SDR42E1: variants seen among roughly 807,000 people sequenced by gnomAD.
SDR42E1 encodes short chain dehydrogenase/reductase family 42E, member 1.
In SDR42E1, 5 loss-of-function variants were observed where a neutral mutation model predicts 2.6. The observed-to-expected ratio is 1.94, with a 90% CI of 1.01 to 4.08. SDR42E1 has a LOEUF of 4.08. Among genes scored for constraint, SDR42E1 ranks in the 30% most tolerant of loss-of-function variants. SDR42E1 has a pLI of 0.00. For synonymous variants in SDR42E1, 231 were observed against 188.3 expected (o/e 1.23, Z -1.86); for missense variants, 596 against 478.6 (o/e 1.25, Z -2.29).
At chr16:82,001,843 A>C (rs1289684360) in intron 1 of SDR42E1, among the ~76,000 whole-genome samples, 1 of 151,340 alleles carries the variant, frequency 6.6e-6, no homozygotes, top group Non-Finnish European at 1.5e-5. Context: ...CGTAGCTGGC[A>C]ATGAGCGAAG....
Position 81,998,288 on chromosome 16 carries a change from C to T in SDR42E1, c.*823G>A, listed in dbSNP as rs2143840880. 6.6e-6 allele frequency: 1 copy of T among 152,248 alleles called. No homozygotes were observed. Among genetic ancestry groups the T allele is most frequent in the Middle Eastern group, 3.4e-3 (1 of 294 alleles). The allele number at this position is 152,248 out of a possible 1,614,324, so 9.4% of individuals were successfully genotyped here. On this transcript the variant is annotated 3_prime_UTR_variant, in exon 3 of 3. Coordinates refer to ENST00000328945, the MANE Select transcript of SDR42E1 (RefSeq NM_145168.3). ...GCTTCATTGTGGCCTTCTTAGAGGC[C>T]TAAACTTTACAAATAGAGTATATCC...
rs1204361021 is a variant in SDR42E1 at position 82,000,876 on chromosome 16, T to C, written c.-18A>G. The C allele has an allele frequency of 2.5e-6, 4 of 1,604,644 alleles. No homozygotes were observed. Among genetic ancestry groups the C allele is most frequent in the Middle Eastern group, 1.7e-4 (1 of 6,008 alleles). ...GGGTCCATATGTGGCAGTCAAAAGA[T>C]AACTGGACCTGAAGAAAGAAGTATG... On this transcript the variant is annotated 5_prime_UTR_variant, in exon 2 of 3. Coordinates refer to ENST00000328945, the MANE Select transcript of SDR42E1 (RefSeq NM_145168.3).
At chr16:82,003,211 T>G (rs200966647) in intron 1 of SDR42E1, among the ~76,000 whole-genome samples, 52 of 152,336 alleles carry the variant, frequency 3.4e-4, no homozygotes, top group African/African-American at 1.2e-3. Flanking sequence ...ATTAAGCAAC[T>G]GCCACGGTTG....
chr16:82,003,594 G>T (rs575747401), intron 1 of SDR42E1, among the ~76,000 whole-genome samples: 4 of 152,130 alleles, frequency 2.6e-5, no homozygotes, highest in African/African-American at 9.7e-5. Flanking sequence ...GTGACACATC[G>T]TATACTAGGT....
In SDR42E1 at chr16:81,999,454, G is replaced by A. The variant is rs767873596; in HGVS notation, c.839C>T (p.Thr280Ile). ...GTAGACCAAGGTCAATGGCAGGCGG[G>A]TAGACGGGAATGTGTAGCCCAGGCC... ...VEGLGYTFPSTRLPLTLVYCF... is the reference protein window; with the variant it reads ...VEGLGYTFPSIRLPLTLVYCF... Residue 280 changes from threonine to isoleucine, a missense_variant, in exon 3 of 3, where the codon ACC (threonine) becomes ATC (isoleucine). Coordinates refer to ENST00000328945, the MANE Select transcript of SDR42E1 (RefSeq NM_145168.3). The A allele has an allele frequency of 6.2e-7, 1 of 1,614,190 alleles. No homozygotes were observed. Among genetic ancestry groups the A allele is most frequent in the African/African-American group, 1.3e-5 (1 of 75,050 alleles).
intron 1 of SDR42E1, among the ~76,000 whole-genome samples, chr16:82,009,303 A>G (rs1172064560): frequency 1.3e-5 from 2 of 152,230 alleles, no homozygotes; most frequent in African/African-American, 4.8e-5. Flanking sequence ...CAGACCCCAG[A>G]ATGGTAGATC....
chr16:82,000,004 C>A lies in SDR42E1; in HGVS notation c.289G>T (p.Glu97Ter). ...TTGTCTGTGCCCCTGACGTTGACTT[C>A]TTTGATCAGGTTTCGATTGAGTTGC... is the stretch of plus-strand genomic sequence containing the variant. Reference protein sequence around the residue: ...REQLNRNLIKEVNVRGTDNIL... With the variant: ...REQLNRNLIK The change falls in exon 3 of 3, where the codon GAA (glutamate) becomes TAA (stop). Residue 97 changes from glutamate (E) to a stop codon, truncating the protein, a stop_gained. Coordinates refer to ENST00000328945, the MANE Select transcript of SDR42E1 (RefSeq NM_145168.3). LOFTEE classifies it high-confidence loss of function. 6.2e-7 allele frequency: 1 copy of A among 1,614,228 alleles called. No individual in the cohort carries two copies. Among genetic ancestry groups the A allele is most frequent in the Non-Finnish European group, 8.5e-7 (1 of 1,180,036 alleles).
Position 82,011,414 on chromosome 16 carries a change from G to C in SDR42E1, c.-54C>G, listed in dbSNP as rs932613289. 6.6e-6 allele frequency: 1 copy of C among 152,564 alleles called. No homozygotes were observed. Among genetic ancestry groups the C allele is most frequent in the Non-Finnish European group, 1.5e-5 (1 of 68,362 alleles). The allele number at this position is 152,564 out of a possible 1,614,324, so 9.5% of individuals were successfully genotyped here. A position where few individuals can be genotyped will look rare whatever the true frequency, so the allele number is the denominator to read the frequency against. On this transcript the variant is annotated 5_prime_UTR_variant, in exon 1 of 3. Coordinates refer to ENST00000328945, the MANE Select transcript of SDR42E1 (RefSeq NM_145168.3). ...CTGCAGGAACAAGGGCGCGGCAGAC[G>C]GCTACAGCAGGCAGAGAGGCCCAGG...
Position 81,999,621 on chromosome 16 carries a change from G to A in SDR42E1, c.672C>T (p.His224=), listed in dbSNP as rs762426199. 1.1e-5 allele frequency: 17 copies of A among 1,614,140 alleles called. No individual in the cohort carries two copies. The highest frequency in any genetic ancestry group is 6.6e-5 in the South Asian group (6 of 91,080). Residue 224 remains histidine, a synonymous_variant, in exon 3 of 3, where the codon CAC becomes CAT. Coordinates refer to ENST00000328945, the MANE Select transcript of SDR42E1 (RefSeq NM_145168.3). The part of the protein sequence containing the change: ...GDPRSLVEFV[H]VDNLVQAHIL... ...TGTGAGCCTGCACCAAGTTATCCAC[G>A]TGGACAAACTCAACCAGGCTCCTGG...
At position 81,989,063 on chromosome 16, in the gene SDR42E1, C is replaced by T. The variant is rs1340793898; in HGVS notation, c.*10048G>A. The T allele has an allele frequency of 1.3e-5, 2 of 151,958 alleles. No homozygotes were observed. The highest frequency in any genetic ancestry group is 3.9e-4 in the East Asian group (2 of 5,192). The allele number at this position is 151,958 out of a possible 1,614,324, so 9.4% of individuals were successfully genotyped here. The stretch of plus-strand genomic sequence containing the variant: ...GTGTCTTATATATAGGGTGATCGTA[C>T]AATTTATTATACAAAATGGGACATA... On this transcript the variant is annotated 3_prime_UTR_variant, in exon 3 of 3. Transcript: ENST00000328945.
intron 2 of SDR42E1, 156 bp from the exon 3 acceptor site, chr16:82,000,380 C>A: frequency 1.1e-6 from 1 of 913,174 alleles, no homozygotes; most frequent in Non-Finnish European, 1.7e-6. Context: ...GCAAGCCTCG[C>A]TTCTTCAAAT....
At position 81,997,893 on chromosome 16, in the gene SDR42E1, G is replaced by C. The variant is rs923705697; in HGVS notation, c.*1218C>G. On this transcript the variant is annotated 3_prime_UTR_variant, in exon 3 of 3. Transcript: ENST00000328945. ...AAAATATCCAGGCAGCATTCCACAG[G>C]GATTGCTCATCTATTTGTATTTTAC... 2.0e-5 allele frequency: 3 copies of C among 152,072 alleles called. No homozygotes were observed. The highest frequency in any genetic ancestry group is 7.2e-5 in the African/African-American group (3 of 41,388). The allele number at this position is 152,072 out of a possible 1,614,324, so 9.4% of individuals were successfully genotyped here.
rs116577164 is a variant in SDR42E1, at chr16:82,000,728, T to G, written c.68+63A>C. ...GTAAAAGTCTGCTCTGCTGTCAGAG[T>G]TGAATGCTTCTGGCAACTACCAGTA... On this transcript the variant is annotated intron_variant, in intron 2 of 2. Transcript: ENST00000328945. 190 of 1,230,102 alleles carry G rather than the reference T, an allele frequency of 1.5e-4. No individual in the cohort carries two copies. In the African/African-American group the frequency reaches 2.6e-3, roughly 17 times the overall value. The allele number at this position is 1,230,102 out of a possible 1,614,324, so 76.2% of individuals were successfully genotyped here.
chr16:81,996,053 G>C lies in SDR42E1; in HGVS notation c.*3058C>G, dbSNP rs1220809665. The C allele has an allele frequency of 6.6e-6, 1 of 152,240 alleles. No homozygotes were observed. The highest frequency in any genetic ancestry group is 6.5e-5 in the Admixed American group (1 of 15,282). 9.4% of individuals were successfully genotyped at this position (152,240 alleles called of 1,614,324 possible). Reference sequence around the variant, plus strand: ...GAGCCCAGGAACCTAAAAAAGGTCAGTGTAATTGGGGCAGAGAAGGCAGAA... The same window carrying C: ...GAGCCCAGGAACCTAAAAAAGGTCACTGTAATTGGGGCAGAGAAGGCAGAA... On this transcript the variant is annotated 3_prime_UTR_variant, in exon 3 of 3. Transcript: ENST00000328945.
chr16:82,008,626 T>A (rs1240471647), intron 1 of SDR42E1, among the ~76,000 whole-genome samples: 2 of 152,188 alleles, frequency 1.3e-5, no homozygotes, highest in Admixed American at 1.3e-4. Context: ...AGAGAGATGA[T>A]TTAGGGTATC....
chr16:82,000,438 G>T (rs973562485), intron 2 of SDR42E1: 15 of 697,654 alleles, frequency 2.2e-5, no homozygotes, highest in Non-Finnish European at 3.8e-5. Context: ...AAAGAGAGAG[G>T]CCTTATCTTC....
At chr16:82,008,284 C>T (rs565004929) in intron 1 of SDR42E1, among the ~76,000 whole-genome samples, 4 of 152,306 alleles carry the variant, frequency 2.6e-5, no homozygotes, top group African/African-American at 9.6e-5. Context: ...TGGACTAATA[C>T]AGTAAATTGG....
chr16:82,009,171 G>A (rs1913043999), intron 1 of SDR42E1, among the ~76,000 whole-genome samples: 1 of 152,152 alleles, frequency 6.6e-6, no homozygotes, highest in Non-Finnish European at 1.5e-5. Context: ...TGCAGGGGTG[G>A]GGCCCTCATG....
At chr16:82,002,649 C>T (rs1005697190) in intron 1 of SDR42E1, among the ~76,000 whole-genome samples, 4 of 152,118 alleles carry the variant, frequency 2.6e-5, no homozygotes, top group African/African-American at 9.7e-5. Context: ...CAGGAGCCCG[C>T]ACTCTTAACC....
Sources: gnomAD v4.1 joint callset for allele counts (sites outside exome capture counted in the v4.1 genomes callset) on GRCh38, gnomAD v4.1.1 for gene constraint, MANE v1.5 for transcripts, NCBI Gene and HGNC (gene_info 2026-07-23, HGNC 2026-07-21) for gene names.